The following FGF13 variants were observed in gnomAD, a reference collection of about 807,000 sequenced individuals.
The protein encoded by FGF13 is fibroblast growth factor 13, also known as fibroblast growth factor homologous factor 2.
FGF13 carries 2 observed loss-of-function variants against 19.5 expected under a neutral mutation model. The ratio of observed to expected loss-of-function variants is 0.10; its 90% confidence interval spans 0.04 to 0.32. The LOEUF is 0.32. FGF13 is among the 10% of genes least tolerant of loss of function. The probability of loss-of-function intolerance (pLI) is 1.00; values close to 1 mark genes in which losing one functional copy is unlikely to be tolerated. For missense variants in FGF13, 113 were observed against 192.7 expected, an observed-to-expected ratio of 0.59 and a Z score of 2.45; for synonymous variants, 72 against 76.9, an observed-to-expected ratio of 0.94 and a Z score of 0.33.
intron 1 of FGF13, among the ~76,000 whole-genome samples, chrX:138,729,962 AG>A (rs1443006953): frequency 9.0e-6 from 1 of 111,673 alleles, no homozygotes; most frequent in Non-Finnish European, 1.9e-5. Flanking sequence ...TCAAAGATCA[AG>A]GTAAAATAAA....
At chrX:138,963,202 A>G (rs1306323686) in intron 1 of FGF13, among the ~76,000 whole-genome samples, 2 of 112,849 alleles carry the variant, frequency 1.8e-5, no homozygotes, top group Admixed American at 1.9e-4. Context: ...CTTCTTGAGC[A>G]TCTGTTAGAA....
At position 139,190,803 on chromosome X, in the gene FGF13, G is replaced by A. The variant is rs192366754; in HGVS notation, c.-113+12613C>T. Reference sequence around the variant, plus strand: ...ATTAAAATAAAAAAGATAATAATCCGAGAAGCAAGACAGCCACTCTGAGCA... The same window carrying A: ...ATTAAAATAAAAAAGATAATAATCCAAGAAGCAAGACAGCCACTCTGAGCA... On this transcript the variant is annotated intron_variant, in intron 1 of 2. Transcript: ENST00000421460. Among the ~76,000 whole-genome samples, 545 of 111,611 alleles carry A rather than the reference G, an allele frequency of 4.9e-3. 1 individual carries two copies. Among genetic ancestry groups the A allele is most frequent in the African/African-American group, 0.016 (497 of 30,751 alleles).
At chrX:139,074,851 T>C (rs779826780) in intron 1 of FGF13, among the ~76,000 whole-genome samples, 11 of 112,218 alleles carry the variant, frequency 9.8e-5, no homozygotes, top group African/African-American at 3.6e-4. Flanking sequence ...GCCTTAGGAA[T>C]CTTAAGCCTG....
rs999423239 is a variant in FGF13 at position 138,625,404 on chromosome X, G to A, written c.*7446C>T. 4 of 102,017 alleles carry A rather than the reference G, an allele frequency of 3.9e-5. No homozygotes were observed. The highest frequency in any genetic ancestry group is 7.9e-5 in the Non-Finnish European group (4 of 50,382). The allele number at this position is 102,017 out of a possible 1,213,427, so 8.4% of individuals were successfully genotyped here. On this transcript the variant is annotated 3_prime_UTR_variant, in exon 5 of 5. Transcript: ENST00000315930. ...TCCCATTGCACCATTATTCACAATA[G>A]ATAAGTTATGGAACAACCTAAGTGC...
In FGF13 at chrX:138,622,367, G is replaced by C. The variant is rs1448846360; in HGVS notation, c.*10483C>G. ...TAATAATCATATGATCATTTTAACA[G>C]ATACAGAAAAGGCATTTGAAAAAAA... On this transcript the variant is annotated 3_prime_UTR_variant, in exon 5 of 5. Transcript: ENST00000315930. 1 of 111,301 alleles carries C rather than the reference G, an allele frequency of 9.0e-6. No individual in the cohort carries two copies. Among genetic ancestry groups the C allele is most frequent in the Non-Finnish European group, 1.9e-5 (1 of 52,960 alleles). The allele number at this position is 111,301 out of a possible 1,213,427, so 9.2% of individuals were successfully genotyped here. A position where few individuals can be genotyped will look rare whatever the true frequency, so the allele number is the denominator to read the frequency against.
At chrX:138,874,324 A>G (rs1455738606) in intron 1 of FGF13, among the ~76,000 whole-genome samples, 1 of 110,663 alleles carries the variant, frequency 9.0e-6, no homozygotes, top group African/African-American at 3.3e-5. Flanking sequence ...CTCCCAGCCA[A>G]TTTAGATGCT....
At chrX:139,087,149 A>G (rs1282465187) in intron 1 of FGF13, among the ~76,000 whole-genome samples, 1 of 111,626 alleles carries the variant, frequency 9.0e-6, no homozygotes, top group African/African-American at 3.3e-5. Flanking sequence ...ATACAAAATT[A>G]GCCGGGCGTG....
chrX:138,898,730 T>A (rs1248543793), intron 1 of FGF13, among the ~76,000 whole-genome samples: 1 of 111,821 alleles, frequency 8.9e-6, no homozygotes, highest in African/African-American at 3.3e-5. Flanking sequence ...AGAGAATCAT[T>A]TCTTTTAACA....
rs553938414 is a variant in FGF13, at chrX:139,141,823, T to A, written c.-113+61593A>T. Among the ~76,000 whole-genome samples, 35 of 112,454 alleles carry A rather than the reference T, an allele frequency of 3.1e-4. 1 individual carries two copies. In the South Asian group the frequency reaches 0.013, roughly 42 times the overall value. ...ATATATATTCTATTCAATACTCTGGTTTCCAGTAGGCACATAATAGGTACT... is the reference window on the plus strand; with the variant it reads ...ATATATATTCTATTCAATACTCTGGATTCCAGTAGGCACATAATAGGTACT... On this transcript the variant is annotated intron_variant, in intron 1 of 2. Transcript: ENST00000421460.
At chrX:139,099,395 A>G (rs777620785) in intron 1 of FGF13, among the ~76,000 whole-genome samples, 30 of 108,364 alleles carry the variant, frequency 2.8e-4, no homozygotes, top group South Asian at 1.6e-3. Flanking sequence ...AAAAAAAAAA[A>G]AAAGAAAGAA....
intron 1 of FGF13, among the ~76,000 whole-genome samples, chrX:139,180,056 C>T (rs888877742): frequency 8.9e-6 from 1 of 112,216 alleles, no homozygotes; most frequent in African/African-American, 3.2e-5. Flanking sequence ...ATTACTAACA[C>T]CTCAGGTTCA....
chrX:138,943,837 C>T lies in FGF13; in HGVS notation c.-112-79187G>A, dbSNP rs778260350. On this transcript the variant is annotated intron_variant, in intron 1 of 2. Transcript: ENST00000421460. Reference sequence around the variant, plus strand: ...AACAGGATAAGTGGACACTATTTGACTTCCTGAGTAAACCTTTTCAAGAGC... The same window carrying T: ...AACAGGATAAGTGGACACTATTTGATTTCCTGAGTAAACCTTTTCAAGAGC... Among the ~76,000 whole-genome samples, 5 of 111,717 alleles carry T rather than the reference C, an allele frequency of 4.5e-5. No individual in the cohort carries two copies. The East Asian group carries it at 1.4e-3, about 32-fold the overall frequency.
At chrX:139,179,462 A>AG (rs2148269542) in intron 1 of FGF13, among the ~76,000 whole-genome samples, 1 of 110,042 alleles carries the variant, frequency 9.1e-6, no homozygotes, top group African/African-American at 3.3e-5. Flanking sequence ...ATTAAAAAAA[A>AG]AAAACATGCA....
intron 1 of FGF13, among the ~76,000 whole-genome samples, chrX:138,962,468 C>G (rs113770649): frequency 1.6e-3 from 178 of 111,973 alleles, no homozygotes; most frequent in African/African-American, 5.6e-3. Context: ...CTAGAAACAC[C>G]ATTTGACCCA....
chrX:139,009,156 G>T lies in FGF13; in HGVS notation c.-112-144506C>A, dbSNP rs981789272. On this transcript the variant is annotated intron_variant, in intron 1 of 2. Coordinates refer to the FGF13 transcript ENST00000421460. ...ATTAACAAAGCCTCCAAGAAGTTTGGGACTATGGTAAACCTAACAATAATT... is the reference window on the plus strand; with the variant it reads ...ATTAACAAAGCCTCCAAGAAGTTTGTGACTATGGTAAACCTAACAATAATT... 2.7e-5 allele frequency among the ~76,000 whole-genome samples: 3 copies of T among 111,719 alleles called. 1 individual carries two copies. In the Admixed American group the frequency reaches 2.8e-4, roughly 11 times the overall value.
chrX:139,191,333 C>T (rs1042371740), intron 1 of FGF13, among the ~76,000 whole-genome samples: 1 of 112,310 alleles, frequency 8.9e-6, no homozygotes, highest in Non-Finnish European at 1.9e-5. Flanking sequence ...AGATGAACTG[C>T]CTTACTTCTT....
chrX:139,091,734 G>A (rs751598107), intron 1 of FGF13, among the ~76,000 whole-genome samples: 5 of 111,427 alleles, frequency 4.5e-5, no homozygotes, highest in Non-Finnish European at 9.4e-5. Context: ...AATACATTTA[G>A]GTAAACTGCT....
chrX:138,635,331 A>G (rs757566865), intron 4 of FGF13, 126 bp downstream of exon 4: 229 of 640,093 alleles, frequency 3.6e-4, no homozygotes, highest in Non-Finnish European at 5.0e-4. Context: ...AAAATTTCAG[A>G]AATCACCACT....
chrX:139,075,783 A>G (rs984415992), intron 1 of FGF13, among the ~76,000 whole-genome samples: 3 of 111,303 alleles, frequency 2.7e-5, no homozygotes, highest in African/African-American at 9.7e-5. Context: ...ATTTGTCCAT[A>G]CCAAACCAAT....
Sources: allele counts gnomAD v4.1 joint callset (sites outside exome capture counted in the v4.1 genomes callset), GRCh38; gene constraint gnomAD v4.1.1; transcripts MANE v1.5; gene names NCBI Gene and HGNC (gene_info 2026-07-23, HGNC 2026-07-21).